Variants in CDH23 observed in about 807,000 individuals in gnomAD.
The protein encoded by CDH23 is cadherin related 23.
A neutral mutation model predicts 317.1 loss-of-function variants in CDH23; 189 were observed. That is an observed-to-expected ratio of 0.60 (90% confidence interval 0.53 to 0.67). CDH23 has a LOEUF of 0.67. Ranked by LOEUF, CDH23 falls within the 30% of genes least tolerant of loss-of-function variation. The probability of loss-of-function intolerance (pLI) is 0.00; values close to 1 mark genes in which losing one functional copy is unlikely to be tolerated. For missense variants in CDH23, 4,401 were observed against 4,592.4 expected (o/e 0.96, Z 1.20); for synonymous variants, 1,839 against 1,876.8 (o/e 0.98, Z 0.52).
Position 71,398,889 on chromosome 10 carries a change from G to T in CDH23, c.-6+1571G>T, listed in dbSNP as rs547154272. ...TCGAGTGCTGGAGGACAGCAGTGAG[G>T]GGTGGGAGGCCCAGAGCTAGCATCC... On this transcript the variant is annotated intron_variant, in intron 1 of 69. Coordinates refer to ENST00000224721, the MANE Select transcript of CDH23 (RefSeq NM_022124.6). 6.6e-5 allele frequency among the ~76,000 whole-genome samples: 10 copies of T among 152,268 alleles called. No homozygotes were observed. In the South Asian group the frequency reaches 2.1e-3, roughly 32 times the overall value.
intron 1 of CDH23, among the ~76,000 whole-genome samples, chr10:71,425,257 GAGAGAGAGAGAGGA>G (rs1849012585): frequency 9.0e-6 from 1 of 110,538 alleles, no homozygotes; most frequent in Admixed American, 9.0e-5. Context: ...GAGAGAGAGA[GAGAGAGAGAGAGGA>G]AGGAAGGAAG....
chr10:71,611,463 G>A (rs1277704447), intron 9 of CDH23, among the ~76,000 whole-genome samples: 2 of 152,220 alleles, frequency 1.3e-5, no homozygotes, highest in African/African-American at 4.8e-5. Context: ...AGGCTGCTGG[G>A]GTGGTGGGGA....
intron 1 of CDH23, among the ~76,000 whole-genome samples, chr10:71,406,639 A>C (rs1036550839): frequency 2.0e-5 from 3 of 152,100 alleles, no homozygotes; most frequent in Non-Finnish European, 4.4e-5. Context: ...GGACACTTTG[A>C]TTTTTCAAAA....
Position 71,645,840 on chromosome 10 carries a change from A to G in CDH23, c.1150A>G (p.Ser384Gly), listed in dbSNP as rs1862821208. 1 of 1,610,580 alleles carries G rather than the reference A, an allele frequency of 6.2e-7. No individual in the cohort carries two copies. Among genetic ancestry groups the G allele is most frequent in the Non-Finnish European group, 8.5e-7 (1 of 1,177,182 alleles). ...TGCACTCTTGACCCAGGGCCTGAAC[A>G]GCATGTTTGAGGTGTACTTGGTGGG... Reference protein sequence around the residue: ...VDKDENLGLNSMFEVYLVGNN... With the variant: ...VDKDENLGLNGMFEVYLVGNN... The change falls in exon 13 of 70, where the codon AGC becomes GGC. Residue 384 changes from serine to glycine, a missense_variant. Physicochemically the swap from Ser to Gly is moderately conservative, Grantham distance 56 (BLOSUM62 0). Transcript: ENST00000224721.
At chr10:71,495,979 A>T (rs1267156742) in intron 3 of CDH23, among the ~76,000 whole-genome samples, 1 of 152,172 alleles carries the variant, frequency 6.6e-6, no homozygotes, top group Non-Finnish European at 1.5e-5. Context: ...GCATATTCAG[A>T]ACCTGAAAGT....
intron 34 of CDH23, among the ~76,000 whole-genome samples, chr10:71,736,215 C>G (rs1371776634): frequency 3.3e-5 from 5 of 152,264 alleles, no homozygotes; most frequent in African/African-American, 1.2e-4. Context: ...GGCCCACCCC[C>G]TTTTGTTCTG....
intron 1 of CDH23, among the ~76,000 whole-genome samples, chr10:71,430,323 G>A (rs1193640054): frequency 1.3e-5 from 2 of 152,124 alleles, no homozygotes; most frequent in Non-Finnish European, 2.9e-5. Flanking sequence ...CCCAGTGATG[G>A]CAAAGATGTG....
chr10:71,540,762 C>G (rs993288651), intron 6 of CDH23, among the ~76,000 whole-genome samples: 2 of 152,056 alleles, frequency 1.3e-5, no homozygotes, highest in Non-Finnish European at 2.9e-5. Context: ...CTTCCTGTCC[C>G]TTGGGTCTTG....
At chr10:71,731,895 C>G in intron 31 of CDH23, 92 bp from the exon 32 acceptor site, 1 of 1,442,292 alleles carries the variant, frequency 6.9e-7, no homozygotes, top group East Asian at 2.4e-5. Flanking sequence ...GGGTGGGCCA[C>G]CCAGGGGGTA....
chr10:71,453,814 G>A (rs1039784790), intron 3 of CDH23, among the ~76,000 whole-genome samples: 8 of 152,236 alleles, frequency 5.3e-5, no homozygotes, highest in Admixed American at 2.0e-4. Context: ...TAAAGGGACG[G>A]GGATGGGAGG....
chr10:71,777,844 C>A lies in CDH23; in HGVS notation c.5010C>A (p.Val1670=). ...LDLDEGPNGT[V]TYAIVAGNIV... ...TGGATGAGGGTCCCAACGGCACAGTCACCTATGCCATCGTCGCAGGCAACA... is the reference window on the plus strand; with the variant it reads ...TGGATGAGGGTCCCAACGGCACAGTAACCTATGCCATCGTCGCAGGCAACA... The change falls in exon 39 of 70, where the codon GTC becomes GTA. Residue 1670 remains valine, a synonymous_variant. Coordinates refer to ENST00000224721, the MANE Select transcript of CDH23 (RefSeq NM_022124.6). 1 of 1,613,960 alleles carries A rather than the reference C, an allele frequency of 6.2e-7. No individual in the cohort carries two copies. Among genetic ancestry groups the A allele is most frequent in the Non-Finnish European group, 8.5e-7 (1 of 1,179,896 alleles).
chr10:71,568,649 G>T (rs77104073), intron 7 of CDH23, among the ~76,000 whole-genome samples: 2 of 152,144 alleles, frequency 1.3e-5, no homozygotes, highest in African/African-American at 4.8e-5. Flanking sequence ...AGTCCTTCTC[G>T]GGGCTGGTGC....
intron 13 of CDH23, 70 bp from the exon 14 acceptor site, chr10:71,646,389 A>T: frequency 6.3e-7 from 1 of 1,583,342 alleles, no homozygotes; most frequent in South Asian, 1.2e-5. Context: ...CATGGAGAGG[A>T]CTTACAGGGA....
Position 71,784,858 on chromosome 10 carries a change from C to A in CDH23, c.5503-33C>A, listed in dbSNP as rs1340043362. On this transcript the variant is annotated intron_variant, in intron 42 of 69. Transcript: ENST00000224721. ...CCATGCACAACATCTGTCGCTCTTC[C>A]TCCCCTCCCTCCTCCTTCTCTGACT... is the stretch of plus-strand genomic sequence containing the variant. 8 of 1,581,706 alleles carry A rather than the reference C, an allele frequency of 5.1e-6. No homozygotes were observed. The South Asian group carries it at 7.7e-5, about 15-fold the overall frequency.
At chr10:71,534,843 A>T (rs1589175778) in intron 6 of CDH23, among the ~76,000 whole-genome samples, 1 of 112,970 alleles carries the variant, frequency 8.9e-6, no homozygotes, top group African/African-American at 3.7e-5. Flanking sequence ...GCTTGTGGGG[A>T]TCTGTGGGAT....
At chr10:71,785,992 G>A (rs1241008123) in intron 44 of CDH23, among the ~76,000 whole-genome samples, 1 of 152,228 alleles carries the variant, frequency 6.6e-6, no homozygotes, top group African/African-American at 2.4e-5. Context: ...GGATGAAGGA[G>A]CCAATATATG....
chr10:71,706,982 G>A lies in CDH23; in HGVS notation c.3039G>A (p.Arg1013=). The A allele has an allele frequency of 1.2e-6, 2 of 1,607,964 alleles. No individual in the cohort carries two copies. Among genetic ancestry groups the A allele is most frequent in the Non-Finnish European group, 8.5e-7 (1 of 1,177,372 alleles). Reference sequence around the variant, plus strand: ...CCGAGGACGTGCCACGCGAGTTCCGGGTGGTCTGGCTGAACTGCACGGACA... The same window carrying A: ...CCGAGGACGTGCCACGCGAGTTCCGAGTGGTCTGGCTGAACTGCACGGACA... ...SVSEDVPREF[R]VVWLNCTDND... The change falls in exon 26 of 70, where the codon CGG becomes CGA. Residue 1013 remains arginine (R), a synonymous_variant. Transcript: ENST00000224721.
intron 38 of CDH23, among the ~76,000 whole-genome samples, chr10:71,745,537 C>T (rs551266527): frequency 2.8e-3 from 423 of 152,270 alleles, no homozygotes; most frequent in Non-Finnish European, 5.2e-3. Context: ...CATGCCTGGC[C>T]GAGCCAAGGT....
rs112099369 is a variant in CDH23, at chr10:71,677,760, G to T, written c.1752+67G>T. The T allele has an allele frequency of 1.8e-3, 2,486 of 1,349,940 alleles. 41 individuals carry two copies. In the African/African-American group the frequency reaches 0.032, roughly 18 times the overall value. The allele number at this position is 1,349,940 out of a possible 1,614,324, so 83.6% of individuals were successfully genotyped here. On this transcript the variant is annotated intron_variant, in intron 16 of 69. Transcript: ENST00000224721. Reference sequence around the variant, plus strand: ...GCCTTCTCCCTGTACTTGCTTGCTTGCTTCTTTTTTGTTTTTGTTTTTATG... The same window carrying T: ...GCCTTCTCCCTGTACTTGCTTGCTTTCTTCTTTTTTGTTTTTGTTTTTATG...
Sources: gnomAD v4.1 joint callset for allele counts (sites outside exome capture counted in the v4.1 genomes callset) on GRCh38, gnomAD v4.1.1 for gene constraint, MANE v1.5 for transcripts, NCBI Gene and HGNC (gene_info 2026-07-23, HGNC 2026-07-21) for gene names.